HTR2C: variants seen among roughly 807,000 people sequenced by gnomAD.
HTR2C encodes 5-hydroxytryptamine receptor 2C, also known as 5-hydroxytryptamine (serotonin) receptor 2C, G protein-coupled.
Under a neutral mutation model 21.0 loss-of-function variants are expected in HTR2C, and 5 were observed. That is an observed-to-expected ratio of 0.24 (90% CI 0.12 to 0.50). The LOEUF is 0.50. Ranked by LOEUF, HTR2C falls within the 20% of genes least tolerant of loss-of-function variation. The pLI, the probability that HTR2C is intolerant of heterozygous loss-of-function variation, is 0.98. For missense variants in HTR2C, 271 were observed against 371.2 expected, an observed-to-expected ratio of 0.73 and a Z score of 2.22; for synonymous variants, 150 against 145.3, an observed-to-expected ratio of 1.03 and a Z score of -0.23.
chrX:114,889,230 G>T (rs1304634083), intron 5 of HTR2C, among the ~76,000 whole-genome samples: 4 of 112,042 alleles, frequency 3.6e-5, no homozygotes, highest in African/African-American at 1.3e-4. Flanking sequence ...TTAGCTTAGA[G>T]GCCAGCTGAT....
chrX:114,666,025 T>C (rs781889865), intron 2 of HTR2C, among the ~76,000 whole-genome samples: 7 of 112,080 alleles, frequency 6.2e-5, no homozygotes, highest in African/African-American at 1.9e-4. Flanking sequence ...TTAAAATTTA[T>C]TTTTTATCTC....
intron 4 of HTR2C, among the ~76,000 whole-genome samples, chrX:114,781,698 G>A (rs782533963): frequency 5.5e-4 from 59 of 107,924 alleles, no homozygotes; most frequent in Non-Finnish European, 9.0e-4. Context: ...ATAGTATCTC[G>A]CTATGTTGCC....
At chrX:114,868,997 C>T (rs2071069776) in intron 5 of HTR2C, among the ~76,000 whole-genome samples, 1 of 110,019 alleles carries the variant, frequency 9.1e-6, no homozygotes, top group African/African-American at 3.3e-5. Context: ...CCCCAGCCCC[C>T]CAACCCCTGA....
At chrX:114,870,112 G>A (rs1183397760) in intron 5 of HTR2C, among the ~76,000 whole-genome samples, 2 of 107,087 alleles carry the variant, frequency 1.9e-5, no homozygotes. Context: ...TTTGAGATGG[G>A]GTTTAACTCT....
chrX:114,704,924 G>A (rs1359830233), intron 2 of HTR2C, among the ~76,000 whole-genome samples: 1 of 107,144 alleles, frequency 9.3e-6, no homozygotes, highest in Non-Finnish European at 1.9e-5. Context: ...CAGACAAACG[G>A]AGAGCCAAAT....
At chrX:114,603,208 G>A (rs1280503191) in intron 1 of HTR2C, among the ~76,000 whole-genome samples, 2 of 113,112 alleles carry the variant, frequency 1.8e-5, no homozygotes, top group Non-Finnish European at 3.7e-5. Context: ...AATGGTAATT[G>A]TGGGAGACTC....
chrX:114,782,716 T>TAA (rs782184464), intron 4 of HTR2C, among the ~76,000 whole-genome samples: 1 of 103,005 alleles, frequency 9.7e-6, no homozygotes. Context: ...AGACCCTGTA[T>TAA]AAAAAAAAAA....
At chrX:114,800,880 C>T (rs2070339432) in intron 4 of HTR2C, among the ~76,000 whole-genome samples, 1 of 111,436 alleles carries the variant, frequency 9.0e-6, no homozygotes, top group African/African-American at 3.3e-5. Context: ...AAGCAACTCA[C>T]ATTTCACAAT....
intron 4 of HTR2C, among the ~76,000 whole-genome samples, chrX:114,782,815 G>A (rs2070133853): frequency 9.0e-6 from 1 of 111,556 alleles, no homozygotes; most frequent in African/African-American, 3.3e-5. Flanking sequence ...GAATTTAAAT[G>A]TTCTAAATTC....
At chrX:114,770,604 G>A (rs1391773479) in intron 4 of HTR2C, among the ~76,000 whole-genome samples, 2 of 110,290 alleles carry the variant, frequency 1.8e-5, no homozygotes, top group Non-Finnish European at 3.8e-5. Flanking sequence ...TCTATTTAGT[G>A]AGCATTATCA....
chrX:114,710,303 C>T lies in HTR2C; in HGVS notation c.-79-16555C>T, dbSNP rs187550105. Among the ~76,000 whole-genome samples the T allele has an allele frequency of 6.2e-4, 69 of 111,273 alleles. 1 individual carries two copies. The highest frequency in any genetic ancestry group is 2.2e-3 in the African/African-American group (66 of 30,657). On this transcript the variant is annotated intron_variant, in intron 2 of 5. Coordinates refer to ENST00000276198, the MANE Select transcript of HTR2C (RefSeq NM_000868.4). Reference sequence around the variant, plus strand: ...AAGCAACAGAAACTTGGATGGTCTTCAAGTACCCTCTTTCAATACTGCTCA... The same window carrying T: ...AAGCAACAGAAACTTGGATGGTCTTTAAGTACCCTCTTTCAATACTGCTCA...
intron 2 of HTR2C, among the ~76,000 whole-genome samples, chrX:114,638,519 A>AT (rs80169124): frequency 1.1e-4 from 11 of 101,477 alleles, no homozygotes; most frequent in Admixed American, 6.5e-4. Flanking sequence ...TTATTTATTT[A>AT]TTATTTTTTT....
chrX:114,620,272 C>T (rs1180874217), intron 2 of HTR2C, among the ~76,000 whole-genome samples: 2 of 112,053 alleles, frequency 1.8e-5, no homozygotes, highest in African/African-American at 6.5e-5. Flanking sequence ...CATTATTGAA[C>T]AGTCCAGCAA....
intron 2 of HTR2C, among the ~76,000 whole-genome samples, chrX:114,649,694 C>T (rs1455039975): frequency 9.0e-6 from 1 of 111,041 alleles, no homozygotes; most frequent in Admixed American, 9.7e-5. Flanking sequence ...CGGCTCTCTG[C>T]AACCTCTGCC....
chrX:114,726,945 C>A lies in HTR2C; in HGVS notation c.9C>A (p.Asn3Lys). Residue 3 changes from asparagine (N) to lysine (K), a missense_variant, in exon 3 of 6, where the codon AAC becomes AAA. Transcript: ENST00000276198. MV[N>K]LRNAVHSFLV... ...TTAAGACTGAAGCAATCATGGTGAA[C>A]CTGAGGAATGCGGTGCATTCATTCC... 1 of 1,130,932 alleles carries A rather than the reference C, an allele frequency of 8.8e-7. No homozygotes were observed. 93.2% of individuals were successfully genotyped at this position (1,130,932 alleles called of 1,213,427 possible). A position where few individuals can be genotyped will look rare whatever the true frequency, so the allele number is the denominator to read the frequency against.
intron 2 of HTR2C, among the ~76,000 whole-genome samples, chrX:114,690,787 T>C (rs1437141599): frequency 1.3e-4 from 15 of 111,372 alleles, no homozygotes; most frequent in Non-Finnish European, 1.9e-5. Context: ...TTTTGCTTGA[T>C]TCATTTAAAG....
rs782575986 is a variant in HTR2C at position 114,622,116 on chromosome X, T to C, written c.-80+8235T>C. ...AAATTTATTGATGAAATGGGAAATATGTATCACATAGCCGGACAGAGCAAG... is the reference window on the plus strand; with the variant it reads ...AAATTTATTGATGAAATGGGAAATACGTATCACATAGCCGGACAGAGCAAG... On this transcript the variant is annotated intron_variant, in intron 2 of 5. Transcript: ENST00000276198. 6.3e-5 allele frequency among the ~76,000 whole-genome samples: 7 copies of C among 111,839 alleles called. No individual in the cohort carries two copies. The East Asian group carries it at 8.5e-4, about 14-fold the overall frequency.
intron 5 of HTR2C, among the ~76,000 whole-genome samples, chrX:114,877,854 A>C (rs2071151059): frequency 9.0e-6 from 1 of 110,834 alleles, no homozygotes; most frequent in Admixed American, 9.7e-5. Flanking sequence ...AAATTCATTA[A>C]GAATTGTTTT....
intron 5 of HTR2C, among the ~76,000 whole-genome samples, chrX:114,863,877 C>T (rs2071024616): frequency 9.0e-6 from 1 of 111,361 alleles, no homozygotes; most frequent in African/African-American, 3.3e-5. Flanking sequence ...GCTCTTTTAA[C>T]ATTAAATAAT....
Sources: gnomAD v4.1 joint callset for allele counts (sites outside exome capture counted in the v4.1 genomes callset) on GRCh38, gnomAD v4.1.1 for gene constraint, MANE v1.5 for transcripts, NCBI Gene and HGNC (gene_info 2026-07-23, HGNC 2026-07-21) for gene names.